SLC12A7: variants seen among roughly 807,000 people sequenced by gnomAD.
SLC12A7 encodes the protein solute carrier family 12 member 7, also known as K-Cl cotransporter 4.
Under a neutral mutation model 120.6 loss-of-function variants are expected in SLC12A7, and 100 were observed. That is an observed-to-expected ratio of 0.83 (90% CI 0.71 to 0.98). SLC12A7 has a LOEUF of 0.98. Among genes scored for constraint, SLC12A7 ranks in the 50% least tolerant of loss-of-function variants. SLC12A7 has a pLI of 0.00. For synonymous variants in SLC12A7, 760 were observed against 678.0 expected (o/e 1.12, Z -1.88); for missense variants, 1,373 against 1,548.1 (o/e 0.89, Z 1.90).
At position 1,057,627 on chromosome 5, in the gene SLC12A7, T is replaced by C. The variant is rs1403564302; in HGVS notation, c.2870A>G (p.Asn957Ser). 4 of 1,602,066 alleles carry C rather than the reference T, an allele frequency of 2.5e-6. No homozygotes were observed. Among genetic ancestry groups the C allele is most frequent in the African/African-American group, 2.7e-5 (2 of 74,842 alleles). The change falls in exon 22 of 24, where the codon AAC becomes AGC. Residue 957 changes from asparagine (N) to serine (S), a missense_variant. Transcript: ENST00000264930. Reference protein sequence around the residue: ...EREAQLIHDRNTASHTAAAAR... With the variant: ...EREAQLIHDRSTASHTAAAAR... ...TGCCGCCGCGGTGTGGGACGCGGTG[T>C]TCCTGTCGTGGATCAGCTGGGCCTG...
intron 17 of SLC12A7, among the ~76,000 whole-genome samples, chr5:1,069,910 C>T (rs1737477738): frequency 6.6e-6 from 1 of 152,090 alleles, no homozygotes; most frequent in Admixed American, 6.5e-5. Flanking sequence ...CAGCATGCTA[C>T]ACGCCCGGGG....
chr5:1,117,418 T>A, the SLC12A7 span, among the ~76,000 whole-genome samples: 2 of 152,164 alleles, frequency 1.3e-5, no homozygotes, highest in African/African-American at 4.8e-5. This position sits in a 1 kb window ranked among gnomAD's most constrained non-coding sequence, Gnocchi z 4.5. Flanking sequence ...GGAACTTAGT[T>A]TATAGTTAAA....
chr5:1,120,949 C>T, the SLC12A7 span, among the ~76,000 whole-genome samples: 6 of 152,192 alleles, frequency 3.9e-5, no homozygotes, highest in Non-Finnish European at 5.9e-5. Flanking sequence ...GGAGCTCACC[C>T]GGCAAAGATT....
chr5:1,126,483 T>C, the SLC12A7 span, among the ~76,000 whole-genome samples: 1 of 152,288 alleles, frequency 6.6e-6, no homozygotes, highest in Non-Finnish European at 1.5e-5. Flanking sequence ...GATTTGTTTT[T>C]GGTTTTTGTT....
At chr5:1,052,986 C>T (rs1735216099) in intron 23 of SLC12A7, among the ~76,000 whole-genome samples, 1 of 152,238 alleles carries the variant, frequency 6.6e-6, no homozygotes, top group Non-Finnish European at 1.5e-5. Context: ...TCCTCACCTC[C>T]CACCGTTGTC....
chr5:1,126,315 C>A, the SLC12A7 span, among the ~76,000 whole-genome samples: 1 of 152,202 alleles, frequency 6.6e-6, no homozygotes, highest in South Asian at 2.1e-4. Context: ...TCTTGAACTC[C>A]TGGCCTCAGG....
At chr5:1,137,622 T>C in the SLC12A7 span, among the ~76,000 whole-genome samples, 88,298 of 151,940 alleles carry the variant, frequency 0.58, 27,894 homozygotes, top group African/African-American at 0.85. Flanking sequence ...CTCATGTCCA[T>C]GGCCTCATCC....
the SLC12A7 span, among the ~76,000 whole-genome samples, chr5:1,141,208 G>A: frequency 5.3e-5 from 8 of 152,186 alleles, no homozygotes; most frequent in Non-Finnish European, 1.0e-4. Flanking sequence ...TCCCTGCTCT[G>A]TGAGTGTCTA....
At chr5:1,099,505 G>GACAT (rs1741780680) in intron 1 of SLC12A7, among the ~76,000 whole-genome samples, 9 of 151,728 alleles carry the variant, frequency 5.9e-5, no homozygotes, top group Admixed American at 2.0e-4. Flanking sequence ...CCGGGGGACG[G>GACAT]CAGGCATCCT....
Position 1,073,735 on chromosome 5 carries a change from G to GGACA in SLC12A7, c.2135_2138dup (p.Phe714ValfsTer203). The stretch of plus-strand genomic sequence containing the variant: ...TGCCGGCCTTCAGCTGCGACGTGAA[G>GGACA]GACAGCAGGCGGGGGTGCTTCACGG... On this transcript the variant is annotated frameshift_variant, in exon 17 of 24. Coordinates refer to ENST00000264930, the MANE Select transcript of SLC12A7 (RefSeq NM_006598.3). LOFTEE classifies it high-confidence loss of function. 1 of 1,573,628 alleles carries GGACA rather than the reference G, an allele frequency of 6.4e-7. No homozygotes were observed. Among genetic ancestry groups the GGACA allele is most frequent in the Non-Finnish European group, 8.6e-7 (1 of 1,157,596 alleles).
intron 1 of SLC12A7, among the ~76,000 whole-genome samples, chr5:1,097,779 T>A (rs1288785997): frequency 6.6e-6 from 1 of 152,146 alleles, no homozygotes; most frequent in Non-Finnish European, 1.5e-5. Context: ...GCCACCAGCA[T>A]GTTGTCACCA....
chr5:1,117,163 A>G, the SLC12A7 span, among the ~76,000 whole-genome samples: 1 of 151,688 alleles, frequency 6.6e-6, no homozygotes, highest in Non-Finnish European at 1.5e-5. The surrounding 1 kb of genome is among the most constrained non-coding windows in gnomAD (Gnocchi z 4.5). Context: ...GCGTACTGCG[A>G]GGGGCCACTG....
upstream of SLC12A7, among the ~76,000 whole-genome samples, chr5:1,113,780 G>A (rs191516046): frequency 1.2e-3 from 189 of 152,302 alleles, no homozygotes; most frequent in Non-Finnish European, 2.1e-3. Context: ...TGCCCAATGG[G>A]GTCAATTATA....
the SLC12A7 span, among the ~76,000 whole-genome samples, chr5:1,127,572 G>A: frequency 6.6e-6 from 1 of 152,228 alleles, no homozygotes; most frequent in Non-Finnish European, 1.5e-5. Context: ...GGTGATCACA[G>A]CAGTCCGAGG....
intron 17 of SLC12A7, among the ~76,000 whole-genome samples, chr5:1,068,343 A>C (rs1737275760): frequency 6.6e-6 from 1 of 152,120 alleles, no homozygotes; most frequent in African/African-American, 2.4e-5. Context: ...CTGAGGCAGG[A>C]GAACTGCTTC....
At chr5:1,138,121 AGT>A in the SLC12A7 span, among the ~76,000 whole-genome samples, 1 of 152,176 alleles carries the variant, frequency 6.6e-6, no homozygotes, top group African/African-American at 2.4e-5. Flanking sequence ...AGATCTTTGC[AGT>A]GTTACAGCTC....
At chr5:1,132,924 T>C in the SLC12A7 span, among the ~76,000 whole-genome samples, 26 of 152,334 alleles carry the variant, frequency 1.7e-4, no homozygotes, top group African/African-American at 6.0e-4. Context: ...ACTAAGAATT[T>C]ATTTTTGAGA....
chr5:1,051,744 G>A lies in SLC12A7; in HGVS notation c.*616C>T, dbSNP rs191447694. On this transcript the variant is annotated 3_prime_UTR_variant, in exon 24 of 24. Transcript: ENST00000264930. ...CCCTTTCCAGATGGCCCTGGCCCAC[G>A]CCTCAGCTCATGAAATGTGGACCTG... The A allele has an allele frequency of 3.1e-3, 468 of 152,604 alleles. 9 individuals carry two copies. The highest frequency in any genetic ancestry group is 0.026 in the Admixed American group (402 of 15,314). The allele number at this position is 152,604 out of a possible 1,614,324, so 9.5% of individuals were successfully genotyped here. A position where few individuals can be genotyped will look rare whatever the true frequency, so the allele number is the denominator to read the frequency against.
intron 1 of SLC12A7, among the ~76,000 whole-genome samples, chr5:1,103,739 G>A (rs1241876919): frequency 1.3e-5 from 2 of 152,248 alleles, no homozygotes; most frequent in African/African-American, 2.4e-5. Flanking sequence ...CCCACGGGGC[G>A]GGGTGCCCAG....
Sources: allele counts gnomAD v4.1 joint callset (sites outside exome capture counted in the v4.1 genomes callset), GRCh38; gene constraint gnomAD v4.1.1; non-coding constraint Gnocchi (gnomAD v3.1); transcripts MANE v1.5; gene names NCBI Gene and HGNC (gene_info 2026-07-23, HGNC 2026-07-21).